ATP8A2: variants seen among roughly 807,000 people sequenced by gnomAD.
ATP8A2 encodes the protein ATPase phospholipid transporting 8A2, also known as phospholipid-transporting ATPase IB.
A neutral mutation model predicts 165.6 loss-of-function variants in ATP8A2; 100 were observed. That is an observed-to-expected ratio of 0.60 (90% CI 0.51 to 0.71). The LOEUF (loss-of-function observed/expected upper bound fraction) is 0.71, where lower values mean the gene tolerates loss of function less well. Ranked by LOEUF, ATP8A2 falls within the 30% of genes least tolerant of loss-of-function variation. The pLI is 0.00. For synonymous variants in ATP8A2, 543 were observed against 548.8 expected (o/e 0.99, Z 0.15); for missense variants, 1,227 against 1,479.5 (o/e 0.83, Z 2.80).
At chr13:25,964,211 G>A (rs1593637259) in intron 34 of ATP8A2, among the ~76,000 whole-genome samples, 1 of 152,152 alleles carries the variant, frequency 6.6e-6, no homozygotes, top group East Asian at 1.9e-4. Flanking sequence ...TTTTTGTCTT[G>A]TTTTATTTAG....
chr13:25,812,972 C>T (rs867145086), intron 27 of ATP8A2, among the ~76,000 whole-genome samples: 3 of 152,040 alleles, frequency 2.0e-5, no homozygotes, highest in Non-Finnish European at 2.9e-5. Flanking sequence ...AGCAAACTAA[C>T]GCAGAAACAG....
At chr13:25,927,230 T>C (rs1413310322) in intron 33 of ATP8A2, 1 of 456,626 alleles carries the variant, frequency 2.2e-6, no homozygotes, top group African/African-American at 2.0e-5. Flanking sequence ...CTCCACACAC[T>C]GGAAACTGCA....
At chr13:25,939,361 A>AT (rs1462985756) in intron 33 of ATP8A2, among the ~76,000 whole-genome samples, 1 of 151,998 alleles carries the variant, frequency 6.6e-6, no homozygotes, top group East Asian at 1.9e-4. Flanking sequence ...TTTTGTAAAC[A>AT]TTTTTTAGTC....
Position 25,611,957 on chromosome 13 carries a change from G to A in ATP8A2, c.2211+22258G>A, listed in dbSNP as rs185395783. ...TCATAGTAGCCTTGAATGATCTTTT[G>A]TATTTCTGTGGTATCAGTTGTAATA... On this transcript the variant is annotated intron_variant, in intron 24 of 36. Coordinates refer to ENST00000381655, the MANE Select transcript of ATP8A2 (RefSeq NM_016529.6). Among the ~76,000 whole-genome samples the A allele has an allele frequency of 6.1e-4, 92 of 151,964 alleles. No individual in the cohort carries two copies. The East Asian group carries it at 0.016, about 27-fold the overall frequency.
At chr13:25,937,848 C>CAAAAAAAAAAAAAAA (rs57258286) in intron 33 of ATP8A2, among the ~76,000 whole-genome samples, 1 of 83,558 alleles carries the variant, frequency 1.2e-5, no homozygotes, top group African/African-American at 4.7e-5. Flanking sequence ...GACTCCGTCT[C>CAAAAAAAAAAAAAAA]AAAAAAAAAA....
At chr13:25,961,554 T>G in intron 33 of ATP8A2, 21 bp from the exon 34 acceptor site, 1 of 1,564,568 alleles carries the variant, frequency 6.4e-7, no homozygotes. Flanking sequence ...TTCAAGCAAG[T>G]GTCACTTCTA....
chr13:25,641,429 G>A (rs914118309), intron 24 of ATP8A2, among the ~76,000 whole-genome samples: 9 of 152,066 alleles, frequency 5.9e-5, no homozygotes, highest in Non-Finnish European at 1.3e-4. Context: ...AAATCAATGT[G>A]CAAAAATCAC....
chr13:25,512,535 C>T (rs1324636953), intron 2 of ATP8A2, among the ~76,000 whole-genome samples: 3,268 of 141,666 alleles, frequency 0.023, 119 homozygotes, highest in African/African-American at 0.081. Context: ...CCCTCCCGGA[C>T]GGGGCGGCTG....
chr13:25,736,970 TG>T (rs1426755018), intron 25 of ATP8A2, among the ~76,000 whole-genome samples: 2 of 152,196 alleles, frequency 1.3e-5, no homozygotes, highest in African/African-American at 4.8e-5. Context: ...AGGGTGCATG[TG>T]TTGAAGTCAA....
chr13:25,837,377 A>G, intron 29 of ATP8A2, 92 bp downstream of exon 29: 1 of 1,437,032 alleles, frequency 7.0e-7, no homozygotes, highest in South Asian at 1.2e-5. Flanking sequence ...AAGCTTGAGA[A>G]AGAACATTTG....
At chr13:25,619,538 C>T (rs2040915110) in intron 24 of ATP8A2, among the ~76,000 whole-genome samples, 1 of 152,060 alleles carries the variant, frequency 6.6e-6, no homozygotes, top group African/African-American at 2.4e-5. Flanking sequence ...GTTAAAAAAA[C>T]AGACAGTAAC....
At chr13:25,679,285 A>T (rs17082650) in intron 24 of ATP8A2, among the ~76,000 whole-genome samples, 5,381 of 152,280 alleles carry the variant, frequency 0.035, 156 homozygotes, top group East Asian at 0.13. Flanking sequence ...CTGATAAAAA[A>T]TGGTAACAGG....
chr13:25,929,700 A>G (rs73472958), intron 33 of ATP8A2, among the ~76,000 whole-genome samples: 1,949 of 152,224 alleles, frequency 0.013, 49 homozygotes, highest in African/African-American at 0.045. Flanking sequence ...TCTACAAAAA[A>G]TAAAAAATTA....
intron 1 of ATP8A2, among the ~76,000 whole-genome samples, chr13:25,379,766 C>A (rs1037258439): frequency 6.6e-6 from 1 of 152,178 alleles, no homozygotes; most frequent in Non-Finnish European, 1.5e-5. Flanking sequence ...TCTGCTACGT[C>A]CCCTGCCCCA....
At chr13:25,985,116 C>A (rs528841179) in intron 35 of ATP8A2, among the ~76,000 whole-genome samples, 1 of 152,336 alleles carries the variant, frequency 6.6e-6, no homozygotes, top group South Asian at 2.1e-4. Context: ...CCTCCATCCC[C>A]AGGGCACTGC....
chr13:25,756,630 T>G (rs2044268076), intron 25 of ATP8A2, among the ~76,000 whole-genome samples: 1 of 152,228 alleles, frequency 6.6e-6, no homozygotes, highest in Admixed American at 6.5e-5. Context: ...TCGGGCATAC[T>G]GTGTCAATCT....
chr13:25,741,506 T>A (rs1019556989), intron 25 of ATP8A2, among the ~76,000 whole-genome samples: 1 of 151,766 alleles, frequency 6.6e-6, no homozygotes, highest in South Asian at 2.1e-4. Context: ...CTCAGCCTCC[T>A]GAATAGCTGG....
At chr13:25,731,150 AGAAAGAAAGAGAAAGAAGGAAG>A (rs2043617683) in intron 25 of ATP8A2, among the ~76,000 whole-genome samples, 1 of 149,480 alleles carries the variant, frequency 6.7e-6, no homozygotes, top group Non-Finnish European at 1.5e-5. Flanking sequence ...GAGAAATAAA[AGAAAGAAAGAGAAAGAAGGAAG>A]GAAAGAAAGA....
At chr13:25,573,134 CT>C (rs966715884) in intron 18 of ATP8A2, among the ~76,000 whole-genome samples, 3 of 152,082 alleles carry the variant, frequency 2.0e-5, no homozygotes, top group Non-Finnish European at 4.4e-5. Context: ...AAAATGAGGT[CT>C]TTTTCCCCCC....
Sources: allele counts gnomAD v4.1 joint callset (sites outside exome capture counted in the v4.1 genomes callset), GRCh38; gene constraint gnomAD v4.1.1; transcripts MANE v1.5; gene names NCBI Gene and HGNC (gene_info 2026-07-23, HGNC 2026-07-21).